The following RAB10 variants were observed in gnomAD, a reference collection of about 807,000 sequenced individuals.
RAB10 encodes the protein RAB10, member RAS oncogene family.
RAB10 carries 5 observed loss-of-function variants against 25.7 expected under a neutral mutation model. The observed-to-expected ratio is 0.19, with a 90% CI of 0.10 to 0.41. The LOEUF (loss-of-function observed/expected upper bound fraction) is 0.41, where lower values mean the gene tolerates loss of function less well. Among genes scored for constraint, RAB10 ranks in the 10% least tolerant of loss-of-function variants. The probability of loss-of-function intolerance (pLI) is 1.00; values close to 1 mark genes in which losing one functional copy is unlikely to be tolerated. For missense variants in RAB10, 103 were observed against 245.8 expected (o/e 0.42, Z 3.89); for synonymous variants, 89 against 86.4 (o/e 1.03, Z -0.16).
At chr2:26,098,606 T>C in intron 1 of RAB10, 56 bp from the exon 2 acceptor site, 1 of 1,317,424 alleles carries the variant, frequency 7.6e-7, no homozygotes, top group Non-Finnish European at 1.1e-6. Context: ...TGATTAATTT[T>C]AGTATAGCCA....
chr2:26,131,707 T>G (rs1046787410), intron 5 of RAB10, among the ~76,000 whole-genome samples: 2 of 152,204 alleles, frequency 1.3e-5, no homozygotes, highest in Non-Finnish European at 2.9e-5. Flanking sequence ...ATTTATCAGT[T>G]ATTACTCTGA....
chr2:26,049,930 A>G (rs751609385), intron 1 of RAB10, among the ~76,000 whole-genome samples: 3 of 152,178 alleles, frequency 2.0e-5, no homozygotes, highest in Non-Finnish European at 4.4e-5. Flanking sequence ...CCAAACCACC[A>G]GATAATAATC....
chr2:26,034,004 C>G (rs952547295), upstream of RAB10: 3 of 398,914 alleles, frequency 7.5e-6, no homozygotes, highest in African/African-American at 4.1e-5. Context: ...GGCGCGCCCC[C>G]ATGCCCTCTT....
chr2:26,119,236 A>G (rs1667754584), intron 3 of RAB10, among the ~76,000 whole-genome samples: 1 of 152,060 alleles, frequency 6.6e-6, no homozygotes, highest in Non-Finnish European at 1.5e-5. Context: ...GCAAGACCTC[A>G]TCTCTACTAA....
chr2:26,088,309 T>G (rs527628591), intron 1 of RAB10, among the ~76,000 whole-genome samples: 1 of 152,310 alleles, frequency 6.6e-6, no homozygotes, highest in East Asian at 1.9e-4. Flanking sequence ...GTTTTTCTCT[T>G]GAGCAGCTAA....
intron 3 of RAB10, among the ~76,000 whole-genome samples, chr2:26,120,654 A>G (rs906779146): frequency 6.0e-5 from 9 of 150,770 alleles, no homozygotes; most frequent in South Asian, 2.1e-4. Context: ...CAGTGGTGCT[A>G]TCTTGGCTCA....
intron 2 of RAB10, among the ~76,000 whole-genome samples, chr2:26,104,276 G>T (rs1265949435): frequency 6.6e-6 from 1 of 152,206 alleles, no homozygotes; most frequent in Non-Finnish European, 1.5e-5. Context: ...TCCTGTGGTG[G>T]TGGGGAGCTA....
intron 2 of RAB10, among the ~76,000 whole-genome samples, chr2:26,107,188 G>A (rs972210271): frequency 6.9e-6 from 1 of 145,332 alleles, no homozygotes; most frequent in African/African-American, 2.6e-5. Flanking sequence ...GGAGGTTGCA[G>A]TGAGCCAAGA....
At chr2:26,107,936 A>G (rs1225425826) in intron 2 of RAB10, among the ~76,000 whole-genome samples, 1 of 152,210 alleles carries the variant, frequency 6.6e-6, no homozygotes, top group Non-Finnish European at 1.5e-5. Flanking sequence ...GCCACAGGGA[A>G]ATACAGATTA....
intron 1 of RAB10, among the ~76,000 whole-genome samples, chr2:26,076,555 G>T (rs1196203490): frequency 6.6e-6 from 1 of 152,206 alleles, no homozygotes; most frequent in Admixed American, 6.5e-5. Context: ...GTATTAGATA[G>T]TGGAGGTGAC....
intron 4 of RAB10, 107 bp downstream of exon 4, chr2:26,127,340 A>G (rs1667926631): frequency 1.2e-6 from 1 of 832,256 alleles, no homozygotes; most frequent in Non-Finnish European, 1.9e-6. Flanking sequence ...CTAATTACAT[A>G]GTTTTTAAAA....
chr2:26,134,109 G>A (rs927690977), intron 5 of RAB10, among the ~76,000 whole-genome samples: 5 of 151,978 alleles, frequency 3.3e-5, no homozygotes, highest in African/African-American at 9.7e-5. Context: ...GGGGTTTTTC[G>A]GTGTTTTTAG....
Position 26,073,384 on chromosome 2 carries a change from G to A in RAB10, c.128-25278G>A, listed in dbSNP as rs529390631. ...TGCTGATTAAGCAAGAACTGTTCTC[G>A]TTGTTACTACTGGTAAAACTATTGG... is the stretch of plus-strand genomic sequence containing the variant. On this transcript the variant is annotated intron_variant, in intron 1 of 5. Coordinates refer to ENST00000264710, the MANE Select transcript of RAB10 (RefSeq NM_016131.5). Among the ~76,000 whole-genome samples the A allele has an allele frequency of 1.8e-3, 274 of 152,248 alleles. 1 individual carries two copies. The highest frequency in any genetic ancestry group is 3.2e-3 in the Non-Finnish European group (221 of 68,010).
intron 2 of RAB10, among the ~76,000 whole-genome samples, chr2:26,099,252 A>C (rs995170295): frequency 1.4e-4 from 22 of 152,074 alleles, no homozygotes; most frequent in African/African-American, 5.3e-4. Flanking sequence ...ACTAAAAAGG[A>C]CCCTGTGAAA....
Position 26,034,598 on chromosome 2 carries a change from C to A in RAB10, c.-11C>A, listed in dbSNP as rs778048908. ...GGCCGCCGGCGGCGAGAGCCCGAGC[C>A]GCTCCTCCCAATGGCGAAGAAGACG... On this transcript the variant is annotated 5_prime_UTR_variant, in exon 1 of 6. Transcript: ENST00000264710. The A allele has an allele frequency of 2.1e-5, 34 of 1,612,972 alleles. No individual in the cohort carries two copies. The highest frequency in any genetic ancestry group is 2.9e-5 in the Non-Finnish European group (34 of 1,180,010).
chr2:26,074,684 G>A (rs180707529), intron 1 of RAB10, among the ~76,000 whole-genome samples: 72 of 152,344 alleles, frequency 4.7e-4, no homozygotes, highest in Non-Finnish European at 8.7e-4. Flanking sequence ...CTCCCAAAGT[G>A]CTGGGATTAC....
At chr2:26,109,626 C>A in intron 2 of RAB10, 142 bp from the exon 3 acceptor site, 1 of 759,468 alleles carries the variant, frequency 1.3e-6, no homozygotes. Flanking sequence ...TTCAGATTTT[C>A]ATCCAGTATG....
chr2:26,036,365 T>C (rs190481636), intron 1 of RAB10, among the ~76,000 whole-genome samples: 64 of 152,194 alleles, frequency 4.2e-4, no homozygotes, highest in Admixed American at 3.7e-3. Flanking sequence ...AGATGATACC[T>C]AAAATGAAGT....
At chr2:26,044,399 G>A (rs1379194160) in intron 1 of RAB10, among the ~76,000 whole-genome samples, 3 of 152,126 alleles carry the variant, frequency 2.0e-5, no homozygotes, top group African/African-American at 7.2e-5. Context: ...TCTTTTTGTT[G>A]TCTGTATTTG....
Sources: allele counts gnomAD v4.1 joint callset (sites outside exome capture counted in the v4.1 genomes callset), GRCh38; gene constraint gnomAD v4.1.1; transcripts MANE v1.5; gene names NCBI Gene and HGNC (gene_info 2026-07-23, HGNC 2026-07-21).